MARCHF1: variants seen among roughly 807,000 people sequenced by gnomAD.
MARCHF1 encodes the protein E3 ubiquitin-protein ligase MARCHF1.
A neutral mutation model predicts 54.2 loss-of-function variants in MARCHF1; 40 were observed. The observed-to-expected ratio is 0.74, with a 90% CI of 0.57 to 0.96. MARCHF1 has a LOEUF of 0.96. Ranked by LOEUF, MARCHF1 falls within the 40% of genes least tolerant of loss-of-function variation. The pLI is 0.00. For missense variants in MARCHF1, 586 were observed against 656.5 expected (o/e 0.89, Z 1.17); for synonymous variants, 236 against 236.3 (o/e 1.00, Z 0.01).
rs149154874 is a variant in MARCHF1, at chr4:164,000,492, T to C, written c.-247-11783A>G. On this transcript the variant is annotated intron_variant, in intron 2 of 9. Coordinates refer to ENST00000514618, the MANE Select transcript of MARCHF1 (RefSeq NM_001394959.1). ...AAATATATGAGAAAAGAGAAAGATT[T>C]AGAGAAAGAGAAAGCACAAGAGAGA... Among the ~76,000 whole-genome samples, 1,032 of 151,650 alleles carry C rather than the reference T, an allele frequency of 6.8e-3. 11 individuals are homozygous for C. The highest frequency in any genetic ancestry group is 0.024 in the African/African-American group (985 of 41,490).
rs529821774 is a variant in MARCHF1 at position 163,767,476 on chromosome 4, G to T, written c.112-66613C>A. Among the ~76,000 whole-genome samples the T allele has an allele frequency of 8.5e-4, 129 of 152,174 alleles. 1 individual carries two copies. In the Middle Eastern group the frequency reaches 0.01, roughly 12 times the overall value. On this transcript the variant is annotated intron_variant, in intron 4 of 9. Coordinates refer to ENST00000514618, the MANE Select transcript of MARCHF1 (RefSeq NM_001394959.1). ...AGCCTCCCGAGTAGCTGGGACTACA[G>T]GCGCCCGCCACCACACCCAGCTACT... is the stretch of plus-strand genomic sequence containing the variant.
chr4:164,214,989 G>A (rs1731887245), intron 1 of MARCHF1, among the ~76,000 whole-genome samples: 1 of 152,196 alleles, frequency 6.6e-6, no homozygotes, highest in African/African-American at 2.4e-5. Context: ...CAGTGTCTAG[G>A]GGTGAATGTA....
intron 1 of MARCHF1, among the ~76,000 whole-genome samples, chr4:164,325,714 C>CGA (rs1186348267): frequency 1.3e-5 from 2 of 151,290 alleles, no homozygotes; most frequent in Non-Finnish European, 2.9e-5. Flanking sequence ...GTGACAAGAG[C>CGA]GAGACTCACT....
At chr4:164,100,858 A>C (rs947981121) in intron 2 of MARCHF1, among the ~76,000 whole-genome samples, 1 of 152,206 alleles carries the variant, frequency 6.6e-6, no homozygotes. Context: ...TACCGGGTTC[A>C]TCTCACTAGG....
At chr4:163,682,648 G>C (rs1463129577) in intron 5 of MARCHF1, among the ~76,000 whole-genome samples, 1 of 152,188 alleles carries the variant, frequency 6.6e-6, no homozygotes. Flanking sequence ...GACCCAGTGG[G>C]AGGTAATTGA....
chr4:163,936,444 G>C (rs1370463703), intron 3 of MARCHF1, among the ~76,000 whole-genome samples: 1 of 152,164 alleles, frequency 6.6e-6, no homozygotes, highest in Non-Finnish European at 1.5e-5. Context: ...TATATATACT[G>C]TTGCTTCTAT....
intron 5 of MARCHF1, among the ~76,000 whole-genome samples, chr4:163,670,380 ATCTG>A (rs1232327188): frequency 3.2e-4 from 38 of 117,912 alleles, no homozygotes; most frequent in Non-Finnish European, 4.3e-4. Context: ...CTATCTATCT[ATCTG>A]TCTGTCTATC....
intron 2 of MARCHF1, among the ~76,000 whole-genome samples, chr4:164,025,691 C>A (rs762353171): frequency 6.6e-6 from 1 of 150,610 alleles, no homozygotes; most frequent in African/African-American, 2.4e-5. Flanking sequence ...ACCAGCCAAC[C>A]CCAAAGCTAT....
intron 3 of MARCHF1, among the ~76,000 whole-genome samples, chr4:163,862,296 G>T (rs932227711): frequency 2.6e-5 from 4 of 151,936 alleles, no homozygotes; most frequent in Non-Finnish European, 5.9e-5. Flanking sequence ...AAAAATACTT[G>T]CAAAATGCAT....
chr4:163,888,497 T>C (rs952445479), intron 3 of MARCHF1, among the ~76,000 whole-genome samples: 1 of 152,196 alleles, frequency 6.6e-6, no homozygotes, highest in African/African-American at 2.4e-5. Flanking sequence ...CCCAAATCAA[T>C]GTTCTGGCAT....
At chr4:163,804,402 A>G (rs1330156983) in intron 4 of MARCHF1, among the ~76,000 whole-genome samples, 1 of 152,166 alleles carries the variant, frequency 6.6e-6, no homozygotes, top group African/African-American at 2.4e-5. Flanking sequence ...TCCATCCCAG[A>G]CCTACTAAAA....
chr4:164,040,860 G>C (rs1359007810), intron 2 of MARCHF1, among the ~76,000 whole-genome samples: 4 of 152,028 alleles, frequency 2.6e-5, no homozygotes, highest in Non-Finnish European at 5.9e-5. Flanking sequence ...CTAAGCTACA[G>C]ATTATAGAAT....
At chr4:164,188,593 G>C (rs1731039574) in intron 1 of MARCHF1, 1 of 835,386 alleles carries the variant, frequency 1.2e-6, no homozygotes, top group South Asian at 1.3e-5. Context: ...CTCTTGAAGG[G>C]GAATATCTGA....
At chr4:163,667,521 A>G (rs899759044) in intron 5 of MARCHF1, among the ~76,000 whole-genome samples, 1 of 152,136 alleles carries the variant, frequency 6.6e-6, no homozygotes, top group Non-Finnish European at 1.5e-5. Context: ...TTAAGATTGG[A>G]ATTATGTGAG....
chr4:164,033,351 A>C (rs1410863312), intron 2 of MARCHF1, among the ~76,000 whole-genome samples: 1 of 152,174 alleles, frequency 6.6e-6, no homozygotes, highest in Non-Finnish European at 1.5e-5. Context: ...ATACCATTCA[A>C]GACATAGGCA....
chr4:164,053,347 A>T (rs1448689585), intron 2 of MARCHF1, among the ~76,000 whole-genome samples: 1 of 152,126 alleles, frequency 6.6e-6, no homozygotes, highest in South Asian at 2.1e-4. Context: ...TGTCAACCCC[A>T]AACATAGGAA....
intron 1 of MARCHF1, among the ~76,000 whole-genome samples, chr4:164,339,348 A>C (rs1729848798): frequency 6.6e-6 from 1 of 152,204 alleles, no homozygotes; most frequent in African/African-American, 2.4e-5. Flanking sequence ...GCCTTAACAA[A>C]TTTAAGAAGG....
chr4:164,196,868 A>G, intron 1 of MARCHF1: 1 of 1,027,832 alleles, frequency 9.7e-7, no homozygotes. Context: ...CAGCAATGTT[A>G]CAATCAGAAA....
intron 1 of MARCHF1, among the ~76,000 whole-genome samples, chr4:164,130,508 T>G (rs1163992118): frequency 6.6e-6 from 1 of 152,188 alleles, no homozygotes; most frequent in Non-Finnish European, 1.5e-5. Flanking sequence ...AATATCATTA[T>G]GTTTTCATTG....
Sources: allele counts gnomAD v4.1 joint callset (sites outside exome capture counted in the v4.1 genomes callset), GRCh38; gene constraint gnomAD v4.1.1; transcripts MANE v1.5; gene names NCBI Gene and HGNC (gene_info 2026-07-23, HGNC 2026-07-21).